Variants in ITSN1 observed in about 807,000 individuals in gnomAD.
The protein encoded by ITSN1 is intersectin 1, also known as intersectin-1.
A neutral mutation model predicts 239.8 loss-of-function variants in ITSN1; 58 were observed. The observed-to-expected ratio is 0.24, with a 90% confidence interval of 0.20 to 0.30. The LOEUF is 0.30. ITSN1 is among the 10% of genes least tolerant of loss of function. ITSN1 has a pLI of 1.00. For synonymous variants in ITSN1, 780 were observed against 770.8 expected (o/e 1.01, Z -0.20); for missense variants, 1,558 against 2,103.3 (o/e 0.74, Z 5.07).
chr21:33,772,206 T>C lies in ITSN1; in HGVS notation c.1188T>C (p.Arg396=), dbSNP rs1208193519. 1.2e-6 allele frequency: 2 copies of C among 1,613,420 alleles called. No homozygotes were observed. The highest frequency in any genetic ancestry group is 1.6e-4 in the Middle Eastern group (1 of 6,062). Residue 396 remains arginine, a synonymous_variant, in exon 12 of 40, where the codon CGT becomes CGC. Coordinates refer to ENST00000381318, the MANE Select transcript of ITSN1 (RefSeq NM_003024.3). ...GGGCGGAGCAGGAGAGGAAGGAGCG[T>C]GAGCGCCAGGAGCAAGAGCGCAAAA... ...LERAEQERKE[R]ERQEQERKRQ...
chr21:33,695,182 C>T (rs144089022), intron 1 of ITSN1, among the ~76,000 whole-genome samples: 153 of 152,318 alleles, frequency 1.0e-3, no homozygotes, highest in African/African-American at 3.5e-3. Context: ...AGTTTGCCCT[C>T]CCACCAGTGG....
At chr21:33,717,660 A>G (rs993098164) in intron 1 of ITSN1, among the ~76,000 whole-genome samples, 3 of 151,986 alleles carry the variant, frequency 2.0e-5, no homozygotes, top group Admixed American at 1.3e-4. Context: ...GGTTCACGCC[A>G]TTCTCCTGCC....
intron 3 of ITSN1, among the ~76,000 whole-genome samples, 181 bp from the exon 4 acceptor site, chr21:33,722,407 A>G (rs2065543264): frequency 2.0e-5 from 3 of 152,328 alleles, no homozygotes; most frequent in Admixed American, 6.5e-5. Flanking sequence ...TTCTAAAGTC[A>G]GTGCTGATGG....
At position 33,753,761 on chromosome 21, in the gene ITSN1, TA is replaced by T. The variant is rs760085854; in HGVS notation, c.624-1508del. Reference sequence around the variant, plus strand: ...TGGGTGACACGGCAAGTCTCTTTCTTAAAAAAAAAAAAAAAAAAAAAAAAAA... The same window carrying T: ...TGGGTGACACGGCAAGTCTCTTTCTTAAAAAAAAAAAAAAAAAAAAAAAAA... On this transcript the variant is annotated intron_variant, in intron 7 of 39. Coordinates refer to ENST00000381318, the MANE Select transcript of ITSN1 (RefSeq NM_003024.3). Among the ~76,000 whole-genome samples, 708 of 81,752 alleles carry T rather than the reference TA, an allele frequency of 8.7e-3. 2 individuals carry two copies. Among genetic ancestry groups the T allele is most frequent in the Middle Eastern group, 0.014 (2 of 144 alleles). 53.6% of individuals were successfully genotyped at this position (81,752 alleles called of 152,430 possible).
intron 21 of ITSN1, among the ~76,000 whole-genome samples, chr21:33,811,879 C>A (rs1006764618): frequency 1.3e-5 from 2 of 152,042 alleles, no homozygotes; most frequent in African/African-American, 4.8e-5. Flanking sequence ...ATATTTTATA[C>A]TAGGATACAA....
In ITSN1 at chr21:33,829,355, A is replaced by G. The variant is rs565757338; in HGVS notation, c.3230-269A>G. The G allele has an allele frequency of 3.5e-5, 15 of 426,358 alleles. No individual in the cohort carries two copies. In the South Asian group the frequency reaches 3.5e-4, roughly 10 times the overall value. The allele number at this position is 426,358 out of a possible 1,614,324, so 26.4% of individuals were successfully genotyped here. A position where few individuals can be genotyped will look rare whatever the true frequency, so the allele number is the denominator to read the frequency against. ...AGTGGGCAAGGAGCGGACTTCGTGG[A>G]GGGAAGTTGGTAAGTAAGTTTCACG... On this transcript the variant is annotated intron_variant, in intron 26 of 39. Transcript: ENST00000381318.
At chr21:33,816,416 T>C (rs1444096463) in intron 22 of ITSN1, among the ~76,000 whole-genome samples, 1 of 152,216 alleles carries the variant, frequency 6.6e-6, no homozygotes, top group Non-Finnish European at 1.5e-5. Context: ...ACCATGGGAT[T>C]GCTAAACTTT....
chr21:33,823,798 A>G, intron 25 of ITSN1, 145 bp downstream of exon 25: 2 of 774,994 alleles, frequency 2.6e-6, no homozygotes, highest in Non-Finnish European at 4.1e-6. Flanking sequence ...TCATTGTTTG[A>G]TCTTGTCATT....
intron 1 of ITSN1, among the ~76,000 whole-genome samples, chr21:33,718,513 G>A (rs984908909): frequency 2.6e-5 from 4 of 152,156 alleles, no homozygotes; most frequent in South Asian, 2.1e-4. Flanking sequence ...GCAAGAGGAC[G>A]TGCTTAGGTT....
At chr21:33,879,173 C>A (rs1984489454) in intron 34 of ITSN1, among the ~76,000 whole-genome samples, 1 of 152,090 alleles carries the variant, frequency 6.6e-6, no homozygotes, top group Non-Finnish European at 1.5e-5. Context: ...CATAGTGAGA[C>A]CCTGTCTCTA....
At chr21:33,774,209 T>C (rs1247263445) in intron 12 of ITSN1, among the ~76,000 whole-genome samples, 2 of 152,172 alleles carry the variant, frequency 1.3e-5, no homozygotes, top group Non-Finnish European at 1.5e-5. Flanking sequence ...CTAGCAGTCG[T>C]CAGAGCCAGT....
chr21:33,717,187 C>CTTT (rs879597417), intron 1 of ITSN1, among the ~76,000 whole-genome samples: 1 of 141,592 alleles, frequency 7.1e-6, no homozygotes, highest in African/African-American at 2.6e-5. Flanking sequence ...AGTACTCATT[C>CTTT]TTTTTTTTTT....
At chr21:33,791,689 C>T (rs926710596) in intron 16 of ITSN1, among the ~76,000 whole-genome samples, 8 of 152,062 alleles carry the variant, frequency 5.3e-5, no homozygotes, top group African/African-American at 1.2e-4. Flanking sequence ...AGGAAATGTG[C>T]GGTATAATTC....
intron 1 of ITSN1, among the ~76,000 whole-genome samples, chr21:33,687,266 C>T (rs544867866): frequency 3.5e-4 from 53 of 151,500 alleles, no homozygotes; most frequent in Non-Finnish European, 6.2e-4. Flanking sequence ...GGCTTGGTGA[C>T]GTGCACCTGT....
rs377090394 is a variant in ITSN1, at chr21:33,854,744, G to A, written c.3662-1992G>A. 7.2e-4 allele frequency among the ~76,000 whole-genome samples: 109 copies of A among 152,356 alleles called. No homozygotes were observed. The Middle Eastern group carries it at 0.017, about 24-fold the overall frequency. ...CAGGAAGAACAGTTGGGCCAAACCC[G>A]TGGCTGAGCAGAGGGCTCAAGCTCA... On this transcript the variant is annotated intron_variant, in intron 29 of 39. Coordinates refer to ENST00000381318, the MANE Select transcript of ITSN1 (RefSeq NM_003024.3).
At chr21:33,875,063 C>T (rs928936819) in intron 33 of ITSN1, among the ~76,000 whole-genome samples, 6 of 152,190 alleles carry the variant, frequency 3.9e-5, no homozygotes, top group African/African-American at 9.7e-5. Flanking sequence ...AACATTTTGC[C>T]GGACAGATCA....
intron 16 of ITSN1, among the ~76,000 whole-genome samples, chr21:33,788,212 G>A (rs2070821324): frequency 6.6e-6 from 1 of 152,168 alleles, no homozygotes; most frequent in Non-Finnish European, 1.5e-5. Flanking sequence ...CCTCATGGCA[G>A]AGGGTGTCTG....
intron 1 of ITSN1, among the ~76,000 whole-genome samples, chr21:33,647,692 C>A (rs139906220): frequency 2.0e-5 from 3 of 152,000 alleles, no homozygotes; most frequent in South Asian, 2.1e-4. Flanking sequence ...GATGGGGTTT[C>A]GTCATGTTGG....
intron 20 of ITSN1, among the ~76,000 whole-genome samples, chr21:33,802,878 C>T (rs2072113585): frequency 6.6e-6 from 1 of 152,122 alleles, no homozygotes; most frequent in South Asian, 2.1e-4. Context: ...GGACAGTCAA[C>T]AATATGCAAA....
Sources: allele counts gnomAD v4.1 joint callset (sites outside exome capture counted in the v4.1 genomes callset), GRCh38; gene constraint gnomAD v4.1.1; transcripts MANE v1.5; gene names NCBI Gene and HGNC (gene_info 2026-07-23, HGNC 2026-07-21).